Variants in ATP10D observed in about 807,000 individuals in gnomAD.
The protein encoded by ATP10D is ATPase phospholipid transporting 10D (putative), also known as phospholipid-transporting ATPase VD.
ATP10D carries 89 observed loss-of-function variants against 144.8 expected under a neutral mutation model. The ratio of observed to expected loss-of-function variants is 0.61; its 90% CI spans 0.52 to 0.73. The LOEUF is 0.73. Ranked by LOEUF, ATP10D falls within the 30% of genes least tolerant of loss-of-function variation. The pLI is 0.00. For synonymous variants in ATP10D, 571 were observed against 615.1 expected (o/e 0.93, Z 1.06); for missense variants, 1,603 against 1,714.8 (o/e 0.93, Z 1.15).
At chr4:47,520,444 A>G (rs947210425) in intron 3 of ATP10D, among the ~76,000 whole-genome samples, 1 of 152,056 alleles carries the variant, frequency 6.6e-6, no homozygotes, top group Non-Finnish European at 1.5e-5. Context: ...TCCTATGTGC[A>G]TGCCCAGTTC....
In ATP10D at chr4:47,515,616, G is replaced by T; in HGVS notation, c.431G>T (p.Arg144Leu). 1 of 1,612,286 alleles carries T rather than the reference G, an allele frequency of 6.2e-7. No individual in the cohort carries two copies. The highest frequency in any genetic ancestry group is 1.1e-5 in the South Asian group (1 of 91,022). The change falls in exon 3 of 23, where the codon CGG becomes CTG. Residue 144 changes from arginine (R) to leucine (L), a missense_variant. Transcript: ENST00000273859. ...ATTAAAGATGGCCTGGAAGATTATC[G>T]GAAATACAAAATTGACAAACAGATC... is the stretch of plus-strand genomic sequence containing the variant. ...IAIKDGLEDY[R>L]KYKIDKQINN...
intron 1 of ATP10D, among the ~76,000 whole-genome samples, chr4:47,499,617 G>A (rs1238998938): frequency 1.3e-5 from 2 of 152,106 alleles, no homozygotes; most frequent in East Asian, 3.9e-4. Context: ...TAAAGAATAC[G>A]CTTGTGCTCA....
At chr4:47,490,167 T>G (rs1157491474) in intron 1 of ATP10D, among the ~76,000 whole-genome samples, 1 of 150,390 alleles carries the variant, frequency 6.6e-6, no homozygotes, top group Non-Finnish European at 1.5e-5. Flanking sequence ...AATTAGACTA[T>G]AATAATATAG....
At chr4:47,582,405 C>T (rs1481530172) in intron 21 of ATP10D, among the ~76,000 whole-genome samples, 1 of 152,154 alleles carries the variant, frequency 6.6e-6, no homozygotes, top group Non-Finnish European at 1.5e-5. Flanking sequence ...TATCATAATC[C>T]TGGTACAGTG....
At chr4:47,509,421 A>T (rs1486400232) in intron 1 of ATP10D, among the ~76,000 whole-genome samples, 4 of 152,192 alleles carry the variant, frequency 2.6e-5, no homozygotes, top group Non-Finnish European at 5.9e-5. Context: ...AAAACTTTTG[A>T]ATTGACAAAT....
intron 1 of ATP10D, among the ~76,000 whole-genome samples, chr4:47,502,337 G>T (rs997997883): frequency 6.6e-6 from 1 of 152,080 alleles, no homozygotes; most frequent in Non-Finnish European, 1.5e-5. Flanking sequence ...TGGGCGTGGT[G>T]GCGGGCGCCT....
At chr4:47,564,454 GA>G (rs1719494739) in intron 15 of ATP10D, among the ~76,000 whole-genome samples, 3 of 151,750 alleles carry the variant, frequency 2.0e-5, no homozygotes, top group South Asian at 2.1e-4. Context: ...TTTAAGATAA[GA>G]AAAAGTGATA....
Position 47,512,667 on chromosome 4 carries a change from A to C in ATP10D, c.127A>C (p.Thr43Pro). 6.2e-7 allele frequency: 1 copy of C among 1,614,088 alleles called. No homozygotes were observed. Among genetic ancestry groups the C allele is most frequent in the Non-Finnish European group, 8.5e-7 (1 of 1,180,028 alleles). ...LLACGRKSSQ[T>P]PKLSGRHRIV... ...CGCCTGTGGGCGCAAGTCCTCTCAGACCCCTAAACTGTCAGGAAGGCACCG... is the reference window on the plus strand; with the variant it reads ...CGCCTGTGGGCGCAAGTCCTCTCAGCCCCCTAAACTGTCAGGAAGGCACCG... The change falls in exon 2 of 23, where the codon ACC becomes CCC. Residue 43 changes from threonine to proline, a missense_variant. Coordinates refer to ENST00000273859, the MANE Select transcript of ATP10D (RefSeq NM_020453.4).
At chr4:47,500,996 G>A (rs1193625371) in intron 1 of ATP10D, among the ~76,000 whole-genome samples, 1 of 152,202 alleles carries the variant, frequency 6.6e-6, no homozygotes, top group Non-Finnish European at 1.5e-5. Context: ...AAGGTGTTGT[G>A]CATTTCTTTC....
At chr4:47,575,957 A>T (rs1414606955) in intron 18 of ATP10D, among the ~76,000 whole-genome samples, 1 of 96,838 alleles carries the variant, frequency 1.0e-5, no homozygotes, top group Non-Finnish European at 1.9e-5. Flanking sequence ...TTTGAGACGG[A>T]GTCTCGCTCT....
At chr4:47,527,223 A>G (rs1241625704) in intron 5 of ATP10D, among the ~76,000 whole-genome samples, 2 of 152,126 alleles carry the variant, frequency 1.3e-5, no homozygotes, top group Non-Finnish European at 2.9e-5. Context: ...CGTTTCAACA[A>G]ACAGTACTGC....
chr4:47,501,391 TA>T (rs1453308328), intron 1 of ATP10D, among the ~76,000 whole-genome samples: 1 of 152,224 alleles, frequency 6.6e-6, no homozygotes. Flanking sequence ...ATGAATGTTT[TA>T]AAAGTAAATA....
intron 3 of ATP10D, among the ~76,000 whole-genome samples, chr4:47,521,348 A>G (rs1716936377): frequency 6.6e-6 from 1 of 152,210 alleles, no homozygotes; most frequent in African/African-American, 2.4e-5. Context: ...AGTACACGTT[A>G]GGAACCATAG....
At chr4:47,515,842 T>C (rs969669444) in intron 3 of ATP10D, among the ~76,000 whole-genome samples, 172 bp downstream of exon 3, 1 of 152,172 alleles carries the variant, frequency 6.6e-6, no homozygotes, top group African/African-American at 2.4e-5. Flanking sequence ...TTAATTCAAG[T>C]GTCAGAGGAA....
At chr4:47,564,292 T>A (rs993101192) in intron 15 of ATP10D, among the ~76,000 whole-genome samples, 8 of 152,146 alleles carry the variant, frequency 5.3e-5, no homozygotes, top group African/African-American at 1.9e-4. Context: ...ATTATAATGA[T>A]TCAGAGGAAT....
At chr4:47,506,195 T>G (rs1365500915) in intron 1 of ATP10D, among the ~76,000 whole-genome samples, 3 of 152,218 alleles carry the variant, frequency 2.0e-5, no homozygotes, top group African/African-American at 7.2e-5. Context: ...ATTTTATATA[T>G]TAATCGCATT....
Position 47,525,638 on chromosome 4 carries a change from T to G in ATP10D, c.772T>G (p.Phe258Val). 6.2e-7 allele frequency: 1 copy of G among 1,607,872 alleles called. No individual in the cohort carries two copies. Reference protein sequence around the residue: ...PNNDLSRFRGFLEHSNKERVG... With the variant: ...PNNDLSRFRGVLEHSNKERVG... Reference sequence around the variant, plus strand: ...CAATGACCTCAGCAGATTCCGAGGCTTCCTGTGAGTAATACATGATGAACA... The same window carrying G: ...CAATGACCTCAGCAGATTCCGAGGCGTCCTGTGAGTAATACATGATGAACA... Residue 258 changes from phenylalanine (F) to valine (V), a missense_variant, in exon 5 of 23, where the codon TTC (phenylalanine) becomes GTC (valine). Physicochemically the swap from Phe to Val is conservative, Grantham distance 50. Transcript: ENST00000273859.
chr4:47,532,542 C>A (rs1424785875), intron 5 of ATP10D, among the ~76,000 whole-genome samples: 1 of 152,166 alleles, frequency 6.6e-6, no homozygotes, highest in South Asian at 2.1e-4. Context: ...GGCAGGGAAG[C>A]ATTTAATAAG....
chr4:47,542,631 C>T (rs1718201789), intron 9 of ATP10D, among the ~76,000 whole-genome samples: 1 of 151,922 alleles, frequency 6.6e-6, no homozygotes, highest in Non-Finnish European at 1.5e-5. Flanking sequence ...GTGCCCGCCA[C>T]CACACCCAGC....
Sources: gnomAD v4.1 joint callset for allele counts (sites outside exome capture counted in the v4.1 genomes callset) on GRCh38, gnomAD v4.1.1 for gene constraint, MANE v1.5 for transcripts, NCBI Gene and HGNC (gene_info 2026-07-23, HGNC 2026-07-21) for gene names.